WIPF3: variants seen among roughly 807,000 people sequenced by gnomAD.
WIPF3 encodes WAS/WASL interacting protein family member 3.
In WIPF3, 33 loss-of-function variants were observed where a neutral mutation model predicts 38.9. The observed-to-expected ratio is 0.85, with a 90% CI of 0.64 to 1.14. The LOEUF (loss-of-function observed/expected upper bound fraction) is 1.14, where lower values mean the gene tolerates loss of function less well. Among genes scored for constraint, WIPF3 ranks in the 50% most tolerant of loss-of-function variants. The pLI, the probability that WIPF3 is intolerant of heterozygous loss-of-function variation, is 0.00. For missense variants in WIPF3, 711 were observed against 652.5 expected (o/e 1.09, Z -0.98); for synonymous variants, 324 against 269.3 (o/e 1.20, Z -1.99).
At chr7:29,869,319 C>T (rs990006185) in intron 2 of WIPF3, among the ~76,000 whole-genome samples, 4 of 152,200 alleles carry the variant, frequency 2.6e-5, no homozygotes, top group Admixed American at 1.3e-4. Flanking sequence ...TGAGCCACTG[C>T]GCCCCACCTG....
At chr7:29,860,286 T>C (rs970491421) in intron 2 of WIPF3, among the ~76,000 whole-genome samples, 4 of 152,142 alleles carry the variant, frequency 2.6e-5, no homozygotes, top group Non-Finnish European at 5.9e-5. Context: ...CCAAACCTCA[T>C]TGTGAAATGT....
chr7:29,866,852 C>T (rs904682472), intron 2 of WIPF3, among the ~76,000 whole-genome samples: 1 of 152,254 alleles, frequency 6.6e-6, no homozygotes. Flanking sequence ...CCTCTCCGCT[C>T]TCCCAGCTTC....
chr7:29,814,235 A>ATTT (rs1388268707), intron 1 of WIPF3, among the ~76,000 whole-genome samples: 1 of 152,118 alleles, frequency 6.6e-6, no homozygotes, highest in Non-Finnish European at 1.5e-5. Flanking sequence ...ATTGGAACTT[A>ATTT]TTTTGTGTTT....
intron 1 of WIPF3, among the ~76,000 whole-genome samples, chr7:29,828,083 G>T (rs1258038055): frequency 6.6e-6 from 1 of 152,122 alleles, no homozygotes; most frequent in African/African-American, 2.4e-5. Context: ...ACAGGTATGA[G>T]CCACTGCACC....
At chr7:29,816,652 G>T (rs1784462980) in intron 1 of WIPF3, among the ~76,000 whole-genome samples, 1 of 152,026 alleles carries the variant, frequency 6.6e-6, no homozygotes, top group African/African-American at 2.4e-5. Flanking sequence ...TACATTTTCT[G>T]CTGCCTGCTT....
intron 7 of WIPF3, among the ~76,000 whole-genome samples, chr7:29,891,410 G>A (rs991888449): frequency 2.0e-5 from 3 of 152,212 alleles, no homozygotes; most frequent in South Asian, 2.1e-4. Flanking sequence ...CTCTGGGTCC[G>A]CTGGGACATC....
At chr7:29,863,530 C>T (rs1370591502) in intron 2 of WIPF3, among the ~76,000 whole-genome samples, 1 of 152,186 alleles carries the variant, frequency 6.6e-6, no homozygotes, top group Non-Finnish European at 1.5e-5. Context: ...TCTTCTTTTG[C>T]AAAATCATTT....
chr7:29,869,370 C>G (rs1474261280), intron 2 of WIPF3, among the ~76,000 whole-genome samples: 1 of 152,238 alleles, frequency 6.6e-6, no homozygotes, highest in Non-Finnish European at 1.5e-5. Flanking sequence ...AGAGTTAGCA[C>G]TCAAATCTTA....
At chr7:29,906,995 C>G (rs1222358505) in intron 8 of WIPF3, among the ~76,000 whole-genome samples, 1 of 152,180 alleles carries the variant, frequency 6.6e-6, no homozygotes, top group Non-Finnish European at 1.5e-5. Context: ...TTTGTTACCA[C>G]TAGACCTGCC....
chr7:29,890,975 GA>G (rs1759562183), intron 7 of WIPF3, among the ~76,000 whole-genome samples: 1 of 126,958 alleles, frequency 7.9e-6, no homozygotes, highest in Non-Finnish European at 1.7e-5. Flanking sequence ...TGCTCAGGTG[GA>G]GGGGGCGAGG....
intron 2 of WIPF3, among the ~76,000 whole-genome samples, chr7:29,866,341 G>A (rs1312223141): frequency 6.6e-6 from 1 of 152,152 alleles, no homozygotes; most frequent in Non-Finnish European, 1.5e-5. Context: ...ACAAAGGGAG[G>A]CCAAATGCCA....
At chr7:29,847,190 A>T (rs1232411575) in intron 2 of WIPF3, among the ~76,000 whole-genome samples, 1 of 152,180 alleles carries the variant, frequency 6.6e-6, no homozygotes, top group Non-Finnish European at 1.5e-5. Context: ...TGGGGACTGG[A>T]AAACAACTGG....
In WIPF3 at chr7:29,916,848, G is replaced by T. The variant is rs1433265701; in HGVS notation, c.*2332G>T. On this transcript the variant is annotated 3_prime_UTR_variant, in exon 9 of 9. Transcript: ENST00000242140. ...CACAACCCTTCGAGCTCATGCTGGTGCACTGAGTCCCTTGGGCGCTGTAAA... is the reference window on the plus strand; with the variant it reads ...CACAACCCTTCGAGCTCATGCTGGTTCACTGAGTCCCTTGGGCGCTGTAAA... 1 of 152,168 alleles carries T rather than the reference G, an allele frequency of 6.6e-6. No individual in the cohort carries two copies. The highest frequency in any genetic ancestry group is 2.4e-5 in the African/African-American group (1 of 41,420). 9.4% of individuals were successfully genotyped at this position (152,168 alleles called of 1,614,324 possible). A position where few individuals can be genotyped will look rare whatever the true frequency, so the allele number is the denominator to read the frequency against.
chr7:29,911,125 G>A (rs1786497795), intron 8 of WIPF3, among the ~76,000 whole-genome samples: 1 of 151,762 alleles, frequency 6.6e-6, no homozygotes, highest in Non-Finnish European at 1.5e-5. Flanking sequence ...CTAACAATGA[G>A]CAATCTGTAA....
At chr7:29,890,564 A>T (rs1785985459) in intron 7 of WIPF3, among the ~76,000 whole-genome samples, 1 of 152,192 alleles carries the variant, frequency 6.6e-6, no homozygotes, top group Non-Finnish European at 1.5e-5. Flanking sequence ...GGGTTAGCCT[A>T]AGACCAGGAA....
chr7:29,895,392 A>G (rs1374005241), intron 7 of WIPF3, among the ~76,000 whole-genome samples: 1 of 146,802 alleles, frequency 6.8e-6, no homozygotes, highest in East Asian at 1.9e-4. Flanking sequence ...TATTCATAGC[A>G]GCACTATTCA....
intron 1 of WIPF3, among the ~76,000 whole-genome samples, chr7:29,827,335 C>T (rs1256589096): frequency 6.6e-6 from 1 of 152,168 alleles, no homozygotes; most frequent in East Asian, 1.9e-4. Context: ...AGAATTTGCT[C>T]ATTAAATGAC....
intron 2 of WIPF3, among the ~76,000 whole-genome samples, chr7:29,839,236 A>G (rs1026308544): frequency 1.3e-5 from 2 of 152,184 alleles, no homozygotes; most frequent in African/African-American, 2.4e-5. Context: ...GTGCTTTTCT[A>G]TTTGTGGCAC....
rs1374539204 is a variant in WIPF3 at position 29,910,061 on chromosome 7, G to A, written c.1429-4432G>A. 2.6e-5 allele frequency among the ~76,000 whole-genome samples: 4 copies of A among 152,080 alleles called. No homozygotes were observed. The East Asian group carries it at 5.8e-4, about 22-fold the overall frequency. Reference sequence around the variant, plus strand: ...TAGTCAACAATAATTTAATGGTGCAGTTTAAAATAACTCAAAGAATATAAC... The same window carrying A: ...TAGTCAACAATAATTTAATGGTGCAATTTAAAATAACTCAAAGAATATAAC... On this transcript the variant is annotated intron_variant, in intron 8 of 8. Transcript: ENST00000242140.
Sources: allele counts gnomAD v4.1 joint callset (sites outside exome capture counted in the v4.1 genomes callset), GRCh38; gene constraint gnomAD v4.1.1; transcripts MANE v1.5; gene names NCBI Gene and HGNC (gene_info 2026-07-23, HGNC 2026-07-21).